Variants in NCOA1 observed in about 807,000 individuals in gnomAD.
NCOA1 encodes the protein nuclear receptor coactivator 1.
NCOA1 carries 35 observed loss-of-function variants against 150.9 expected under a neutral mutation model. The observed-to-expected ratio is 0.23, with a 90% CI of 0.18 to 0.31. NCOA1 has a LOEUF of 0.31. NCOA1 is among the 10% of genes least tolerant of loss of function. The probability of loss-of-function intolerance (pLI) is 1.00; values close to 1 mark genes in which losing one functional copy is unlikely to be tolerated. For synonymous variants in NCOA1, 590 were observed against 630.0 expected, an observed-to-expected ratio of 0.94 and a Z score of 0.95; for missense variants, 1,491 against 1,749.3, an observed-to-expected ratio of 0.85 and a Z score of 2.63.
intron 20 of NCOA1, among the ~76,000 whole-genome samples, 166 bp downstream of exon 20, chr2:24,752,322 C>G (rs925708753): frequency 4.6e-5 from 7 of 152,168 alleles, no homozygotes; most frequent in African/African-American, 1.7e-4. Context: ...CCCGTTCCCC[C>G]GTTTATGTGT....
intron 19 of NCOA1, among the ~76,000 whole-genome samples, chr2:24,750,368 A>G (rs1664153918): frequency 6.6e-6 from 1 of 152,232 alleles, no homozygotes; most frequent in South Asian, 2.1e-4. Context: ...GCAACAATCA[A>G]GACAATGTGG....
At chr2:24,638,914 A>G (rs923960349) in intron 3 of NCOA1, among the ~76,000 whole-genome samples, 1 of 152,194 alleles carries the variant, frequency 6.6e-6, no homozygotes, top group Admixed American at 6.5e-5. Context: ...ATCTCCTGTC[A>G]GAAGATTGGT....
At chr2:24,762,537 T>C in intron 21 of NCOA1, 150 bp from the exon 22 acceptor site, 1 of 675,458 alleles carries the variant, frequency 1.5e-6, no homozygotes, top group East Asian at 2.8e-5. Flanking sequence ...ATGACTATCC[T>C]GACTTGTAAC....
intron 1 of NCOA1, among the ~76,000 whole-genome samples, chr2:24,510,864 T>C (rs1572364499): frequency 6.6e-6 from 1 of 152,350 alleles, no homozygotes; most frequent in East Asian, 1.9e-4. Context: ...ATAAATCATA[T>C]TCCATAAGTC....
chr2:24,578,329 T>G (rs1667069656), intron 2 of NCOA1, among the ~76,000 whole-genome samples: 2 of 152,034 alleles, frequency 1.3e-5, no homozygotes, highest in Admixed American at 6.6e-5. Flanking sequence ...TTGGAAAAAC[T>G]CGTGAAACTG....
At chr2:24,672,804 A>AAT (rs1325901756) in intron 6 of NCOA1, among the ~76,000 whole-genome samples, 1 of 152,196 alleles carries the variant, frequency 6.6e-6, no homozygotes, top group Non-Finnish European at 1.5e-5. Context: ...TTATTATTTA[A>AAT]ATATGATTCT....
chr2:24,711,026 T>C lies in NCOA1; in HGVS notation c.2514T>C (p.Gly838=). 6.2e-7 allele frequency: 1 copy of C among 1,614,220 alleles called. No individual in the cohort carries two copies. Among genetic ancestry groups the C allele is most frequent in the Non-Finnish European group, 8.5e-7 (1 of 1,180,032 alleles). ...PGLCETDRMD[G]AVTSVTIKSE... ...TATGTGAGACAGACAGGATGGATGG[T>C]GCGGTCACCAGTGTAACCATCAAAT... is the stretch of plus-strand genomic sequence containing the variant. Residue 838 remains glycine, a synonymous_variant, in exon 14 of 23, where the codon GGT becomes GGC. Transcript: ENST00000348332.
chr2:24,765,176 CAA>C (rs60481361), intron 22 of NCOA1, among the ~76,000 whole-genome samples: 7 of 138,190 alleles, frequency 5.1e-5, no homozygotes, highest in Non-Finnish European at 7.8e-5. Context: ...TACTTCGACT[CAA>C]AAAAAAAAAA....
rs547524593 is a variant in NCOA1 at position 24,533,137 on chromosome 2, G to A, written c.-395-31158G>A. ...TCCTCTTTTATTTCATTGAGCAGTG[G>A]TTTGTAGTTGTCCTTGAAGAGGTCC... On this transcript the variant is annotated intron_variant, in intron 1 of 22. Transcript: ENST00000348332. Among the ~76,000 whole-genome samples the A allele has an allele frequency of 1.4e-4, 22 of 152,268 alleles. No individual in the cohort carries two copies. The South Asian group carries it at 2.3e-3, about 16-fold the overall frequency.
intron 1 of NCOA1, among the ~76,000 whole-genome samples, chr2:24,505,652 A>G (rs913340636): frequency 1.3e-5 from 2 of 151,748 alleles, no homozygotes; most frequent in Non-Finnish European, 2.9e-5. Context: ...CCCTCCCCCC[A>G]TTCTTTTTAA....
intron 8 of NCOA1, 127 bp downstream of exon 8, chr2:24,683,255 A>C: frequency 1.8e-6 from 1 of 557,758 alleles, no homozygotes; most frequent in African/African-American, 1.9e-5. Context: ...TGTGTTTAAA[A>C]TATTTTTTCA....
chr2:24,585,885 A>C (rs532659733), intron 3 of NCOA1, among the ~76,000 whole-genome samples: 3 of 152,332 alleles, frequency 2.0e-5, no homozygotes, highest in African/African-American at 7.2e-5. Flanking sequence ...AAACTGTTTT[A>C]TTCTTTGATA....
chr2:24,740,767 T>C (rs1663562249), intron 18 of NCOA1, among the ~76,000 whole-genome samples: 1 of 152,208 alleles, frequency 6.6e-6, no homozygotes. Context: ...ACCCCACTTT[T>C]GGATTCACAT....
intron 1 of NCOA1, among the ~76,000 whole-genome samples, chr2:24,514,557 C>T (rs1478414147): frequency 6.6e-6 from 1 of 151,834 alleles, no homozygotes; most frequent in Non-Finnish European, 1.5e-5. Context: ...AATCTTAGCA[C>T]TTTGGGAGAC....
At chr2:24,576,505 C>G (rs866415713) in intron 2 of NCOA1, among the ~76,000 whole-genome samples, 1 of 152,044 alleles carries the variant, frequency 6.6e-6, no homozygotes. Flanking sequence ...TTCATCTTTT[C>G]TCAGGAATCC....
rs55905856 is a variant in NCOA1, at chr2:24,756,353, A to G, written c.3882-1620A>G. Among the ~76,000 whole-genome samples, 726 of 152,278 alleles carry G rather than the reference A, an allele frequency of 4.8e-3. 8 individuals are homozygous for G. Among genetic ancestry groups the G allele is most frequent in the African/African-American group, 0.016 (658 of 41,548 alleles). On this transcript the variant is annotated intron_variant, in intron 20 of 22. Transcript: ENST00000348332. ...AAGCATACACACTGTGCAGACATTA[A>G]TGGTCCACAGGTGTATTACTGACTA...
chr2:24,500,965 T>A lies in NCOA1; in HGVS notation c.-396+9363T>A, dbSNP rs549482621. Among the ~76,000 whole-genome samples, 12 of 152,344 alleles carry A rather than the reference T, an allele frequency of 7.9e-5. No individual in the cohort carries two copies. In the East Asian group the frequency reaches 1.7e-3, roughly 22 times the overall value. The stretch of plus-strand genomic sequence containing the variant: ...TATGTGTTAACTTTAAGAGCTTTTT[T>A]TATATGTATACTTGAACTTGGAAAC... On this transcript the variant is annotated intron_variant, in intron 1 of 22. Transcript: ENST00000348332.
At chr2:24,580,277 G>A (rs1372605010) in intron 2 of NCOA1, among the ~76,000 whole-genome samples, 1 of 152,134 alleles carries the variant, frequency 6.6e-6, no homozygotes, top group Non-Finnish European at 1.5e-5. Context: ...AAATTTATGT[G>A]TTTTGCCAAA....
At chr2:24,535,494 G>T (rs938263964) in intron 1 of NCOA1, among the ~76,000 whole-genome samples, 2 of 152,176 alleles carry the variant, frequency 1.3e-5, no homozygotes, top group South Asian at 2.1e-4. Flanking sequence ...CTGTCATTAT[G>T]ATGTTAGCTG....
Sources: allele counts gnomAD v4.1 joint callset (sites outside exome capture counted in the v4.1 genomes callset), GRCh38; gene constraint gnomAD v4.1.1; transcripts MANE v1.5; gene names NCBI Gene and HGNC (gene_info 2026-07-23, HGNC 2026-07-21).